ST6GALNAC3: variants seen among roughly 807,000 people sequenced by gnomAD.
The protein encoded by ST6GALNAC3 is alpha-N-acetylgalactosaminide alpha-2,6-sialyltransferase 3.
A neutral mutation model predicts 32.7 loss-of-function variants in ST6GALNAC3; 25 were observed. That is an observed-to-expected ratio of 0.76 (90% CI 0.56 to 1.07). The LOEUF (loss-of-function observed/expected upper bound fraction) is 1.07, where lower values mean the gene tolerates loss of function less well. ST6GALNAC3 is among the 50% of genes least tolerant of loss of function. ST6GALNAC3 has a pLI of 0.00. For missense variants in ST6GALNAC3, 355 were observed against 382.4 expected (o/e 0.93, Z 0.60); for synonymous variants, 129 against 133.1 (o/e 0.97, Z 0.21).
Position 76,089,241 on chromosome 1 carries a change from CG to C in ST6GALNAC3, c.18+14361del, listed in dbSNP as rs566432286. Among the ~76,000 whole-genome samples, 28 of 152,040 alleles carry C rather than the reference CG, an allele frequency of 1.8e-4. No individual in the cohort carries two copies. In the East Asian group the frequency reaches 4.6e-3, roughly 25 times the overall value. On this transcript the variant is annotated intron_variant, in intron 1 of 4. Coordinates refer to ENST00000328299, the MANE Select transcript of ST6GALNAC3 (RefSeq NM_152996.4). ...TTATTTATTTATTTTTTAGAAGAGACGGGGTTTCACTGTGTTAGCCAGGATG... is the reference window on the plus strand; with the variant it reads ...TTATTTATTTATTTTTTAGAAGAGACGGGTTTCACTGTGTTAGCCAGGATG...
intron 2 of ST6GALNAC3, among the ~76,000 whole-genome samples, chr1:76,338,775 G>T (rs1647715560): frequency 6.6e-6 from 1 of 151,346 alleles, no homozygotes; most frequent in African/African-American, 2.4e-5. Flanking sequence ...CTATTCTAGG[G>T]CATTCCTATT....
chr1:76,207,533 G>A (rs940537633), intron 1 of ST6GALNAC3, among the ~76,000 whole-genome samples: 32 of 152,214 alleles, frequency 2.1e-4, no homozygotes, highest in Admixed American at 1.3e-4. Flanking sequence ...GGCATCTGGT[G>A]AGGTTCATCC....
intron 1 of ST6GALNAC3, among the ~76,000 whole-genome samples, chr1:76,209,331 A>G (rs544034582): frequency 6.3e-4 from 96 of 152,308 alleles, no homozygotes; most frequent in African/African-American, 2.2e-3. Flanking sequence ...AGGCTTCATA[A>G]GCTCTGGCTT....
intron 3 of ST6GALNAC3, among the ~76,000 whole-genome samples, chr1:76,530,026 G>A (rs1006369098): frequency 4.6e-5 from 7 of 152,162 alleles, no homozygotes; most frequent in African/African-American, 1.4e-4. Flanking sequence ...TAAATAAGAT[G>A]TGTAGTTACT....
chr1:76,412,676 T>G (rs771047049), intron 3 of ST6GALNAC3, among the ~76,000 whole-genome samples: 1 of 152,140 alleles, frequency 6.6e-6, no homozygotes, highest in Non-Finnish European at 1.5e-5. Flanking sequence ...TGATCTTTTT[T>G]TATTTTGTTC....
intron 1 of ST6GALNAC3, among the ~76,000 whole-genome samples, chr1:76,193,269 C>A (rs961585718): frequency 6.6e-6 from 1 of 152,054 alleles, no homozygotes; most frequent in African/African-American, 2.4e-5. Context: ...ACATTGGGGA[C>A]CCCCACCATT....
At chr1:76,411,927 A>G (rs1654265981) in intron 2 of ST6GALNAC3, 81 bp from the exon 3 acceptor site, 1 of 1,447,262 alleles carries the variant, frequency 6.9e-7, no homozygotes, top group African/African-American at 1.4e-5. Context: ...TATACAATAT[A>G]TGAACTTTTG....
rs146633544 is a variant in ST6GALNAC3 at position 76,123,154 on chromosome 1, C to T, written c.18+48270C>T. On this transcript the variant is annotated intron_variant, in intron 1 of 4. Coordinates refer to ENST00000328299, the MANE Select transcript of ST6GALNAC3 (RefSeq NM_152996.4). Reference sequence around the variant, plus strand: ...TGGAAGGCCGAGGCAGGTGGATCACCTGAGGTCAGGAGTTCGAGACCAGCC... The same window carrying T: ...TGGAAGGCCGAGGCAGGTGGATCACTTGAGGTCAGGAGTTCGAGACCAGCC... Among the ~76,000 whole-genome samples, 1,594 of 152,130 alleles carry T rather than the reference C, an allele frequency of 0.01. 55 individuals are homozygous for T. The East Asian group carries it at 0.12, about 12-fold the overall frequency.
chr1:76,101,394 G>A (rs985225748), intron 1 of ST6GALNAC3, among the ~76,000 whole-genome samples: 1 of 152,060 alleles, frequency 6.6e-6, no homozygotes, highest in Non-Finnish European at 1.5e-5. Context: ...ACCAGAATTT[G>A]CTTATCCATT....
chr1:76,167,737 G>A (rs532390529), intron 1 of ST6GALNAC3, among the ~76,000 whole-genome samples: 1 of 152,172 alleles, frequency 6.6e-6, no homozygotes, highest in East Asian at 1.9e-4. Flanking sequence ...GTCCAGAAAT[G>A]TATCAATTTC....
In ST6GALNAC3 at chr1:76,276,100, G is replaced by A. The variant is rs1273092785; in HGVS notation, c.19-37705G>A. On this transcript the variant is annotated intron_variant, in intron 1 of 4. Transcript: ENST00000328299. ...CAGAATGTTAAACAATCCTTCTCTC[G>A]TAATAGCTTCCATCAAACCTCTACT... Among the ~76,000 whole-genome samples, 7 of 152,172 alleles carry A rather than the reference G, an allele frequency of 4.6e-5. No individual in the cohort carries two copies. In the South Asian group the frequency reaches 6.2e-4, roughly 14 times the overall value.
chr1:76,283,764 C>T, intron 1 of ST6GALNAC3, among the ~76,000 whole-genome samples: 1 of 152,210 alleles, frequency 6.6e-6, no homozygotes, highest in East Asian at 1.9e-4. Flanking sequence ...GAAATACAGG[C>T]ATCAACTTTA....
At chr1:76,203,388 C>A (rs2100547740) in intron 1 of ST6GALNAC3, among the ~76,000 whole-genome samples, 1 of 152,294 alleles carries the variant, frequency 6.6e-6, no homozygotes, top group African/African-American at 2.4e-5. Flanking sequence ...ATATAAATCT[C>A]TGGGCATTAG....
At chr1:76,545,992 T>C (rs574386159) in intron 3 of ST6GALNAC3, among the ~76,000 whole-genome samples, 1 of 152,300 alleles carries the variant, frequency 6.6e-6, no homozygotes, top group African/African-American at 2.4e-5. Context: ...AAACTGAGGT[T>C]GAACAATGAG....
chr1:76,533,387 A>G (rs922773115), intron 3 of ST6GALNAC3, among the ~76,000 whole-genome samples: 17 of 152,176 alleles, frequency 1.1e-4, no homozygotes, highest in Non-Finnish European at 1.9e-4. Context: ...GTGAACGTCC[A>G]CAGTGTGGGT....
chr1:76,607,433 T>C (rs564312916), intron 3 of ST6GALNAC3, among the ~76,000 whole-genome samples: 15 of 152,164 alleles, frequency 9.9e-5, no homozygotes, highest in Admixed American at 2.0e-4. Flanking sequence ...AATACTGTAA[T>C]CATATAATTG....
chr1:76,184,436 G>C (rs985770632), intron 1 of ST6GALNAC3, among the ~76,000 whole-genome samples: 1 of 151,910 alleles, frequency 6.6e-6, no homozygotes, highest in Admixed American at 6.6e-5. Flanking sequence ...CCACTTGGGA[G>C]GCCGAGGCAG....
At chr1:76,609,069 C>T (rs953172839) in intron 3 of ST6GALNAC3, among the ~76,000 whole-genome samples, 1 of 152,180 alleles carries the variant, frequency 6.6e-6, no homozygotes, top group Non-Finnish European at 1.5e-5. Context: ...CAGTGGCTCA[C>T]ACCTGTAATC....
At chr1:76,391,288 T>A (rs759424270) in intron 2 of ST6GALNAC3, among the ~76,000 whole-genome samples, 5 of 152,182 alleles carry the variant, frequency 3.3e-5, no homozygotes, top group African/African-American at 1.2e-4. Flanking sequence ...GTTATTATGA[T>A]GACAGTCATT....
Sources: gnomAD v4.1 joint callset for allele counts (sites outside exome capture counted in the v4.1 genomes callset) on GRCh38, gnomAD v4.1.1 for gene constraint, MANE v1.5 for transcripts, NCBI Gene and HGNC (gene_info 2026-07-23, HGNC 2026-07-21) for gene names.